ATP13A3: variants seen among roughly 807,000 people sequenced by gnomAD.
The protein encoded by ATP13A3 is polyamine-transporting ATPase 13A3.
In ATP13A3, 59 loss-of-function variants were observed where a neutral mutation model predicts 158.1. The observed-to-expected ratio is 0.37, with a 90% confidence interval of 0.30 to 0.46. ATP13A3 has a LOEUF of 0.46. Among genes scored for constraint, ATP13A3 ranks in the 20% least tolerant of loss-of-function variants. ATP13A3 has a pLI of 1.00. For missense variants in ATP13A3, 1,166 were observed against 1,525.2 expected (o/e 0.76, Z 3.92); for synonymous variants, 491 against 504.3 (o/e 0.97, Z 0.35).
chr3:194,414,168 A>G (rs1715640276), intron 31 of ATP13A3, among the ~76,000 whole-genome samples: 2 of 152,180 alleles, frequency 1.3e-5, no homozygotes, highest in African/African-American at 2.4e-5. Context: ...CCATCTTTAA[A>G]GAATGAGGTA....
intron 1 of ATP13A3, among the ~76,000 whole-genome samples, chr3:194,486,351 C>T (rs973197683): frequency 6.6e-5 from 10 of 151,958 alleles, no homozygotes; most frequent in African/African-American, 1.9e-4. Context: ...ACGCTCGCCC[C>T]CGGCAGGCGG....
chr3:194,470,534 T>C (rs1017032954), intron 2 of ATP13A3, among the ~76,000 whole-genome samples: 3 of 152,158 alleles, frequency 2.0e-5, no homozygotes, highest in East Asian at 1.9e-4. Flanking sequence ...AAGGGGGACA[T>C]TACCTTTGGA....
chr3:194,480,282 T>C (rs984696800), intron 2 of ATP13A3, among the ~76,000 whole-genome samples: 2 of 152,204 alleles, frequency 1.3e-5, no homozygotes, highest in South Asian at 2.1e-4. Flanking sequence ...AAAATCACTA[T>C]GGCTCTGAAG....
chr3:194,489,821 A>C (rs1220662087), upstream of ATP13A3, among the ~76,000 whole-genome samples: 2 of 152,228 alleles, frequency 1.3e-5, no homozygotes, highest in African/African-American at 2.4e-5. The surrounding 1 kb of genome is among the most constrained non-coding windows in gnomAD (Gnocchi z 4.1). Flanking sequence ...CTGAGTCACC[A>C]GGAAAGGCTT....
rs59145471 is a variant in ATP13A3, at chr3:194,446,884, G to A, written c.1497+43C>T. The A allele has an allele frequency of 4.4e-3, 6,472 of 1,473,716 alleles. 214 individuals are homozygous for A. In the African/African-American group the frequency reaches 0.078, roughly 18 times the overall value. The allele number at this position is 1,473,716 out of a possible 1,614,324, so 91.3% of individuals were successfully genotyped here. A position where few individuals can be genotyped will look rare whatever the true frequency, so the allele number is the denominator to read the frequency against. On this transcript the variant is annotated intron_variant, in intron 14 of 33. Coordinates refer to ENST00000645319, the MANE Select transcript of ATP13A3 (RefSeq NM_001367549.1). ...AAAACATTGATCTAAATATTTAAAC[G>A]CTACGAAGTAACCTTTGAAAGTAAC...
At chr3:194,454,191 T>C in intron 9 of ATP13A3, 67 bp downstream of exon 9, 2 of 1,437,040 alleles carry the variant, frequency 1.4e-6, no homozygotes, top group South Asian at 1.2e-5. Flanking sequence ...AGTACTATTC[T>C]ACACACATTA....
At chr3:194,477,809 A>G (rs762931139) in intron 2 of ATP13A3, among the ~76,000 whole-genome samples, 25 of 152,158 alleles carry the variant, frequency 1.6e-4, no homozygotes, top group Non-Finnish European at 3.2e-4. Flanking sequence ...ATCCACTCCT[A>G]CAGATTAGCT....
chr3:194,435,572 T>C (rs1717568891), intron 20 of ATP13A3, among the ~76,000 whole-genome samples: 1 of 151,848 alleles, frequency 6.6e-6, no homozygotes, highest in African/African-American at 2.4e-5. Context: ...CAAGGAACAG[T>C]CTATCCAATG....
At chr3:194,441,526 G>T in intron 15 of ATP13A3, 65 bp from the exon 16 acceptor site, 1 of 1,414,074 alleles carries the variant, frequency 7.1e-7, no homozygotes, top group South Asian at 1.4e-5. Flanking sequence ...TTCTAACAGG[G>T]CTTTTCTGGT....
intron 14 of ATP13A3, among the ~76,000 whole-genome samples, chr3:194,446,572 A>C (rs1316166452): frequency 6.6e-6 from 1 of 152,170 alleles, no homozygotes; most frequent in Non-Finnish European, 1.5e-5. Flanking sequence ...TATAGCTCAT[A>C]TTTATTTCAA....
chr3:194,425,597 T>C (rs1442460289), intron 29 of ATP13A3, 68 bp from the exon 30 acceptor site: 1 of 1,283,326 alleles, frequency 7.8e-7, no homozygotes, highest in East Asian at 2.3e-5. Flanking sequence ...AAACCAATCT[T>C]ACCTTAATTG....
chr3:194,410,313 A>AC lies in ATP13A3; in HGVS notation c.3573+1885_3573+1886insG, dbSNP rs796210591. Among the ~76,000 whole-genome samples the AC allele has an allele frequency of 3.6e-3, 513 of 142,620 alleles. 15 individuals are homozygous for AC. The highest frequency in any genetic ancestry group is 0.033 in the East Asian group (164 of 4,930). The allele number at this position is 142,620 out of a possible 152,430, so 93.6% of individuals were successfully genotyped here. A position where few individuals can be genotyped will look rare whatever the true frequency, so the allele number is the denominator to read the frequency against. ...CCTCTCTGCAAAAAAAAAAAAAAAA[A>AC]AAAAAAAAAAAAAAAAAACTGCTGG... On this transcript the variant is annotated intron_variant, in intron 33 of 33. Coordinates refer to ENST00000645319, the MANE Select transcript of ATP13A3 (RefSeq NM_001367549.1).
At position 194,404,110 on chromosome 3, in the gene ATP13A3, G is replaced by A; in HGVS notation, c.*1809C>T. On this transcript the variant is annotated 3_prime_UTR_variant, in exon 34 of 34. Transcript: ENST00000645319. ...CACGAGCATATTTGAAATTAATATG[G>A]AAATTATAAAATGATCCAGAGAATA... The A allele has an allele frequency of 2.2e-6, 1 of 450,812 alleles. No homozygotes were observed. The highest frequency in any genetic ancestry group is 4.4e-6 in the Non-Finnish European group (1 of 225,558). The allele number at this position is 450,812 out of a possible 1,614,324, so 27.9% of individuals were successfully genotyped here.
At chr3:194,458,786 T>A (rs978685697) in intron 6 of ATP13A3, among the ~76,000 whole-genome samples, 1 of 152,186 alleles carries the variant, frequency 6.6e-6, no homozygotes, top group Non-Finnish European at 1.5e-5. Flanking sequence ...AATTCATTAG[T>A]GTATCTGAGT....
In ATP13A3 at chr3:194,413,969, T is replaced by C. The variant is rs1043200520; in HGVS notation, c.3403-130A>G. The C allele has an allele frequency of 1.7e-5, 13 of 751,982 alleles. No individual in the cohort carries two copies. In the Admixed American group the frequency reaches 2.3e-4, roughly 14 times the overall value. The allele number at this position is 751,982 out of a possible 1,614,324, so 46.6% of individuals were successfully genotyped here. ...ACCTTCATATACATTATCTACTTAA[T>C]CCTCAACAATGCCCCGCGGTATATA... On this transcript the variant is annotated intron_variant, in intron 31 of 33. Coordinates refer to ENST00000645319, the MANE Select transcript of ATP13A3 (RefSeq NM_001367549.1).
chr3:194,452,377 G>A (rs114073587), intron 10 of ATP13A3: 4,257 of 152,190 alleles, frequency 0.028, 211 homozygotes, highest in African/African-American at 0.099. Flanking sequence ...CTCTAATCCC[G>A]GCTACTCAGG....
intron 2 of ATP13A3, among the ~76,000 whole-genome samples, chr3:194,472,917 A>G (rs114953312): frequency 0.03 from 4,583 of 152,228 alleles, 209 homozygotes; most frequent in African/African-American, 0.1. Flanking sequence ...ACCAAATACT[A>G]TATGTTCTCA....
At chr3:194,461,650 A>G (rs1470388237) in intron 3 of ATP13A3, among the ~76,000 whole-genome samples, 1 of 152,194 alleles carries the variant, frequency 6.6e-6, no homozygotes, top group Non-Finnish European at 1.5e-5. Context: ...TGTCCCATGC[A>G]ACATTTGGAC....
rs757867475 is a variant in ATP13A3, at chr3:194,431,824, T to C, written c.2314A>G (p.Ile772Val). ...TTTGGAGGTAATGCTTCAGCAATAATCACTTTATCCTGAGGTAGAATCATT... is the reference window on the plus strand; with the variant it reads ...TTTGGAGGTAATGCTTCAGCAATAACCACTTTATCCTGAGGTAGAATCATT... Reference protein sequence around the residue: ...CGMILPQDKVIIAEALPPKDG... With the variant: ...CGMILPQDKVVIAEALPPKDG... Residue 772 changes from isoleucine (I) to valine (V), a missense_variant, in exon 22 of 34, where the codon ATT becomes GTT. Ile to Val is a conservative substitution (Grantham distance 29, BLOSUM62 3). This residue lies in a region of ATP13A3 where 997 missense variants were observed against 1,341.2 expected (regional missense o/e 0.74). Transcript: ENST00000645319. The C allele has an allele frequency of 6.2e-7, 1 of 1,613,438 alleles. No homozygotes were observed. Among genetic ancestry groups the C allele is most frequent in the Non-Finnish European group, 8.5e-7 (1 of 1,179,712 alleles).
Sources: gnomAD v4.1 joint callset for allele counts (sites outside exome capture counted in the v4.1 genomes callset) on GRCh38, gnomAD v4.1.1 for gene constraint, gnomAD v4.1.1 regional missense constraint, Gnocchi (gnomAD v3.1) non-coding constraint, MANE v1.5 for transcripts, NCBI Gene and HGNC (gene_info 2026-07-23, HGNC 2026-07-21) for gene names.